The following CHN2 variants were observed in gnomAD, a reference collection of about 807,000 sequenced individuals.
CHN2 encodes chimerin 2.
A neutral mutation model predicts 56.3 loss-of-function variants in CHN2; 35 were observed. The ratio of observed to expected loss-of-function variants is 0.62; its 90% CI spans 0.47 to 0.82. CHN2 has a LOEUF of 0.82. CHN2 is among the 40% of genes least tolerant of loss of function. The pLI, the probability that CHN2 is intolerant of heterozygous loss-of-function variation, is 0.00. For synonymous variants in CHN2, 210 were observed against 212.8 expected (o/e 0.99, Z 0.12); for missense variants, 491 against 580.5 (o/e 0.85, Z 1.58).
intron 1 of CHN2, among the ~76,000 whole-genome samples, chr7:29,254,436 C>T (rs577566824): frequency 3.9e-5 from 6 of 152,280 alleles, no homozygotes; most frequent in East Asian, 1.9e-4. Context: ...ATCTCAAGCA[C>T]GTTCTGTAAC....
chr7:29,289,465 G>A (rs762549561), intron 1 of CHN2, among the ~76,000 whole-genome samples: 35 of 152,278 alleles, frequency 2.3e-4, no homozygotes, highest in African/African-American at 4.3e-4. Flanking sequence ...GCAGGACTAC[G>A]GGTTAGGCAT....
intron 3 of CHN2, among the ~76,000 whole-genome samples, chr7:29,374,795 T>C (rs1236513403): frequency 6.6e-6 from 1 of 150,944 alleles, no homozygotes; most frequent in Non-Finnish European, 1.5e-5. Context: ...GATTTTTATT[T>C]CTTTATTTCC....
intron 1 of CHN2, among the ~76,000 whole-genome samples, chr7:29,195,761 G>T (rs893065799): frequency 3.3e-5 from 5 of 152,134 alleles, no homozygotes; most frequent in South Asian, 4.1e-4. Context: ...CAAAGGGAAG[G>T]CTTCTTTCAG....
At chr7:29,479,857 A>T (rs1786947812) in intron 6 of CHN2, 1 of 1,354,760 alleles carries the variant, frequency 7.4e-7, no homozygotes, top group South Asian at 1.6e-5. Flanking sequence ...TGCTGTGCAC[A>T]TGAATGTTTG....
intron 6 of CHN2, among the ~76,000 whole-genome samples, chr7:29,429,808 A>G (rs1271894696): frequency 6.6e-6 from 1 of 152,250 alleles, no homozygotes; most frequent in African/African-American, 2.4e-5. Flanking sequence ...TTGGAAATGT[A>G]TCTAACAATA....
chr7:29,330,777 T>G (rs1001571807), intron 1 of CHN2, among the ~76,000 whole-genome samples: 2 of 152,160 alleles, frequency 1.3e-5, no homozygotes, highest in East Asian at 1.9e-4. Flanking sequence ...GTTGGTGGTG[T>G]TATTGCTTTT....
chr7:29,349,078 G>A (rs567496457), intron 1 of CHN2, among the ~76,000 whole-genome samples: 1 of 151,944 alleles, frequency 6.6e-6, no homozygotes, highest in East Asian at 1.9e-4. Context: ...AGCAAGTTTA[G>A]CATTTACTGT....
At chr7:29,159,849 C>T (rs1794938833) in intron 2 of CHN2, among the ~76,000 whole-genome samples, 1 of 152,136 alleles carries the variant, frequency 6.6e-6, no homozygotes, top group African/African-American at 2.4e-5. Flanking sequence ...TTTGTCTCAA[C>T]TAGTGTAATG....
Position 29,263,815 on chromosome 7 carries a change from G to T in CHN2, c.49+68825G>T, listed in dbSNP as rs1584906114. Among the ~76,000 whole-genome samples, 3 of 151,632 alleles carry T rather than the reference G, an allele frequency of 2.0e-5. No homozygotes were observed. The Middle Eastern group carries it at 0.011, about 534-fold the overall frequency. On this transcript the variant is annotated intron_variant, in intron 1 of 12. Coordinates refer to ENST00000222792, the MANE Select transcript of CHN2 (RefSeq NM_004067.4). The stretch of plus-strand genomic sequence containing the variant: ...GCTGCGACCCCGTCTGGGAGGTGAG[G>T]GGCGTCTCTGACCGGCCGCCTCGTC...
rs900317529 is a variant in CHN2, at chr7:29,514,052, C to G, written c.*1317C>G. 5 of 152,610 alleles carry G rather than the reference C, an allele frequency of 3.3e-5. No individual in the cohort carries two copies. Among genetic ancestry groups the G allele is most frequent in the African/African-American group, 9.7e-5 (4 of 41,444 alleles). 9.5% of individuals were successfully genotyped at this position (152,610 alleles called of 1,614,324 possible). A position where few individuals can be genotyped will look rare whatever the true frequency, so the allele number is the denominator to read the frequency against. Reference sequence around the variant, plus strand: ...CTTTGGAGTGAGCAGAAGAGAATGACTATTTTACGTGGAGCATCATTGTGT... The same window carrying G: ...CTTTGGAGTGAGCAGAAGAGAATGAGTATTTTACGTGGAGCATCATTGTGT... On this transcript the variant is annotated 3_prime_UTR_variant, in exon 13 of 13. Coordinates refer to ENST00000222792, the MANE Select transcript of CHN2 (RefSeq NM_004067.4).
At chr7:29,467,249 T>A (rs1263270703) in intron 6 of CHN2, among the ~76,000 whole-genome samples, 1 of 152,226 alleles carries the variant, frequency 6.6e-6, no homozygotes, top group East Asian at 1.9e-4. Flanking sequence ...TATTAATATT[T>A]TGAAACTCTT....
intron 6 of CHN2, chr7:29,479,535 C>A: frequency 2.3e-6 from 1 of 431,686 alleles, no homozygotes. Flanking sequence ...CTTTCAAGTG[C>A]TAAGGCAGAT....
intron 6 of CHN2, among the ~76,000 whole-genome samples, chr7:29,401,983 A>G (rs1802247267): frequency 6.6e-6 from 1 of 151,940 alleles, no homozygotes; most frequent in Admixed American, 6.6e-5. Context: ...CAGGCACACT[A>G]GGGCTGGGAC....
chr7:29,484,559 C>T (rs1787742706), intron 7 of CHN2, among the ~76,000 whole-genome samples: 2 of 152,182 alleles, frequency 1.3e-5, no homozygotes, highest in African/African-American at 4.8e-5. Context: ...ATAGCCTTCT[C>T]TGTATGTCTC....
intron 6 of CHN2, among the ~76,000 whole-genome samples, chr7:29,472,289 ACACACACACG>A (rs1488136877): frequency 2.7e-5 from 4 of 150,382 alleles, no homozygotes; most frequent in African/African-American, 7.4e-5. Flanking sequence ...ACACACACAC[ACACACACACG>A]CACACACACA....
chr7:29,371,085 TG>T (rs1050548357), intron 3 of CHN2, among the ~76,000 whole-genome samples: 6 of 152,206 alleles, frequency 3.9e-5, no homozygotes, highest in African/African-American at 1.4e-4. Flanking sequence ...CAGTGCCTGC[TG>T]CATAATGGGT....
chr7:29,161,295 C>T (rs1462706349), intron 2 of CHN2, among the ~76,000 whole-genome samples: 1 of 152,148 alleles, frequency 6.6e-6, no homozygotes, highest in African/African-American at 2.4e-5. Flanking sequence ...AACCCCGTTA[C>T]CAAGTGAATC....
chr7:29,439,263 T>C (rs558298915), intron 6 of CHN2, among the ~76,000 whole-genome samples: 177 of 152,342 alleles, frequency 1.2e-3, no homozygotes, highest in African/African-American at 4.2e-3. Flanking sequence ...AAACTGGACA[T>C]GTAGTGACAG....
chr7:29,443,268 G>C (rs1300155034), intron 6 of CHN2, among the ~76,000 whole-genome samples: 1 of 152,146 alleles, frequency 6.6e-6, no homozygotes, highest in Non-Finnish European at 1.5e-5. Context: ...AACTGAAATA[G>C]AACTGAATCA....
Sources: gnomAD v4.1 joint callset for allele counts (sites outside exome capture counted in the v4.1 genomes callset) on GRCh38, gnomAD v4.1.1 for gene constraint, MANE v1.5 for transcripts, NCBI Gene and HGNC (gene_info 2026-07-23, HGNC 2026-07-21) for gene names.